The following MPPED1 variants were observed in gnomAD, a reference collection of about 807,000 sequenced individuals.
The protein encoded by MPPED1 is metallophosphoesterase domain-containing protein 1.
Under a neutral mutation model 36.2 loss-of-function variants are expected in MPPED1, and 16 were observed. The ratio of observed to expected loss-of-function variants is 0.44; its 90% CI spans 0.30 to 0.67. The LOEUF (loss-of-function observed/expected upper bound fraction) is 0.67, where lower values mean the gene tolerates loss of function less well. Ranked by LOEUF, MPPED1 falls within the 30% of genes least tolerant of loss-of-function variation. The pLI, the probability that MPPED1 is intolerant of heterozygous loss-of-function variation, is 0.10. For synonymous variants in MPPED1, 199 were observed against 191.3 expected (o/e 1.04, Z -0.33); for missense variants, 307 against 453.4 (o/e 0.68, Z 2.93).
intron 1 of MPPED1, among the ~76,000 whole-genome samples, chr22:43,412,757 G>A (rs1013528750): frequency 1.3e-5 from 2 of 152,114 alleles, no homozygotes; most frequent in African/African-American, 4.8e-5. Flanking sequence ...AGGGGATTCA[G>A]TGGCTACCTA....
At chr22:43,467,610 G>A (rs534367378) in intron 3 of MPPED1, among the ~76,000 whole-genome samples, 1 of 152,326 alleles carries the variant, frequency 6.6e-6, no homozygotes, top group Admixed American at 6.5e-5. Context: ...ATACCGAGAA[G>A]TCTGCTAATG....
At chr22:43,452,514 A>G (rs1241141189) in intron 3 of MPPED1, among the ~76,000 whole-genome samples, 1 of 152,206 alleles carries the variant, frequency 6.6e-6, no homozygotes, top group African/African-American at 2.4e-5. Flanking sequence ...TAGGGCCAAG[A>G]AAGAGAACTG....
At chr22:43,475,557 T>G in intron 4 of MPPED1, among the ~76,000 whole-genome samples, 6 of 137,140 alleles carry the variant, frequency 4.4e-5, no homozygotes, top group Non-Finnish European at 6.3e-5. Flanking sequence ...ATGGTGATGG[T>G]GGTGATGATG....
intron 5 of MPPED1, among the ~76,000 whole-genome samples, chr22:43,500,074 A>AGGT (rs1222506920): frequency 3.1e-5 from 2 of 65,030 alleles, no homozygotes; most frequent in Non-Finnish European, 6.1e-5. Context: ...ATGGTGATGG[A>AGGT]GGTGGTGGTG....
intron 3 of MPPED1, among the ~76,000 whole-genome samples, chr22:43,470,968 T>TG (rs1267739347): frequency 6.6e-6 from 1 of 152,214 alleles, no homozygotes; most frequent in Non-Finnish European, 1.5e-5. Context: ...CAGCAGGTGG[T>TG]GGCTCCTGCC....
At chr22:43,421,626 C>T (rs74341382) in intron 1 of MPPED1, among the ~76,000 whole-genome samples, 3,061 of 152,328 alleles carry the variant, frequency 0.02, 52 homozygotes, top group Middle Eastern at 0.048. Context: ...GCTCTCCTGA[C>T]ACCCACCCTC....
In MPPED1 at chr22:43,424,925, CGG is replaced by C; in HGVS notation, c.-56_-55del. The C allele has an allele frequency of 6.5e-7, 1 of 1,538,166 alleles. No homozygotes were observed. On this transcript the variant is annotated 5_prime_UTR_variant, in exon 2 of 7. Coordinates refer to ENST00000443721, the MANE Select transcript of MPPED1 (RefSeq NM_001044370.2). ...CTCCTCAGTCTGTTTCCAGGTCTGG[CGG>C]GGGGCCGGGCTGCGGTGGCGGCAGC...
rs1288585547 is a variant in MPPED1, at chr22:43,502,638, T to C, written c.749-6T>C. ...TCATGGCCTCCTGTTGTCTCCCCCA[T>C]ACCAGGCTTCCTGGACTGGGTCCCC... On this transcript the variant is annotated splice_region_variant and splice_polypyrimidine_tract_variant and intron_variant, in intron 5 of 6. Transcript: ENST00000443721. This position sits in a 1 kb window ranked among gnomAD's most constrained non-coding sequence, Gnocchi z 5.5. 1.2e-6 allele frequency: 2 copies of C among 1,611,822 alleles called. No individual in the cohort carries two copies. Among genetic ancestry groups the C allele is most frequent in the Non-Finnish European group, 1.7e-6 (2 of 1,178,718 alleles).
intron 3 of MPPED1, among the ~76,000 whole-genome samples, chr22:43,450,556 G>C (rs1440255405): frequency 6.6e-6 from 1 of 152,148 alleles, no homozygotes; most frequent in African/African-American, 2.4e-5. Context: ...ATCAAAGGGA[G>C]CTGATATTGG....
intron 4 of MPPED1, among the ~76,000 whole-genome samples, chr22:43,483,207 G>A (rs1259097439): frequency 2.6e-5 from 4 of 152,226 alleles, no homozygotes; most frequent in African/African-American, 9.7e-5. Flanking sequence ...GAGAAAAAAC[G>A]AGACAGGTTA....
intron 1 of MPPED1, among the ~76,000 whole-genome samples, chr22:43,420,298 C>G (rs908191625): frequency 6.6e-6 from 1 of 152,140 alleles, no homozygotes; most frequent in African/African-American, 2.4e-5. Context: ...GGCCACTTAT[C>G]CAGGCCGCCC....
At chr22:43,460,451 C>T (rs763012355) in intron 3 of MPPED1, among the ~76,000 whole-genome samples, 1 of 151,900 alleles carries the variant, frequency 6.6e-6, no homozygotes, top group Non-Finnish European at 1.5e-5. Context: ...CTGCCTCGGC[C>T]TCCTGAGTAG....
Position 43,497,929 on chromosome 22 carries a change from G to GTATATATATATATATATA in MPPED1, c.633-301_633-300insATATATATATATATATAT, listed in dbSNP as rs746068497. On this transcript the variant is annotated intron_variant, in intron 4 of 6. Coordinates refer to ENST00000443721, the MANE Select transcript of MPPED1 (RefSeq NM_001044370.2). ...CTTAGGAAGAAGCTGATATATATAT[G>GTATATATATATATATATA]TATATGTATATATATATATGTATTT... Among the ~76,000 whole-genome samples the GTATATATATATATATATA allele has an allele frequency of 1.8e-3, 86 of 48,734 alleles. 3 individuals carry two copies. The highest frequency in any genetic ancestry group is 4.2e-3 in the African/African-American group (67 of 15,838). The allele number at this position is 48,734 out of a possible 152,430, so 32.0% of individuals were successfully genotyped here. A position where few individuals can be genotyped will look rare whatever the true frequency, so the allele number is the denominator to read the frequency against.
At chr22:43,473,339 A>C (rs1298538558) in intron 3 of MPPED1, among the ~76,000 whole-genome samples, 1 of 152,190 alleles carries the variant, frequency 6.6e-6, no homozygotes, top group African/African-American at 2.4e-5. Context: ...GATGAAGGTC[A>C]TGGTCTTCCA....
chr22:43,441,513 GTGTT>G (rs1930148468), intron 3 of MPPED1, among the ~76,000 whole-genome samples: 1 of 152,192 alleles, frequency 6.6e-6, no homozygotes, highest in Non-Finnish European at 1.5e-5. Flanking sequence ...GTGCCCAGGG[GTGTT>G]TGTTGTAAAA....
chr22:43,427,262 G>A (rs1359970946), intron 2 of MPPED1, among the ~76,000 whole-genome samples: 2 of 152,220 alleles, frequency 1.3e-5, no homozygotes, highest in South Asian at 2.1e-4. Context: ...AGAGAGTGGG[G>A]GCTGAGGAGG....
intron 4 of MPPED1, among the ~76,000 whole-genome samples, chr22:43,479,302 C>T (rs1199496270): frequency 6.6e-6 from 1 of 152,214 alleles, no homozygotes; most frequent in Non-Finnish European, 1.5e-5. Flanking sequence ...GCTTTAGAAG[C>T]ACAGTTAGAC....
intron 3 of MPPED1, among the ~76,000 whole-genome samples, chr22:43,449,531 G>A (rs1930489482): frequency 2.0e-5 from 3 of 150,526 alleles, no homozygotes; most frequent in Admixed American, 1.4e-4. Flanking sequence ...TGGGCCCTGT[G>A]TGTGCCCTGG....
In MPPED1 at chr22:43,500,215, G is replaced by GT. The variant is rs1569091746; in HGVS notation, c.748+1865_748+1866insT. Among the ~76,000 whole-genome samples the GT allele has an allele frequency of 3.5e-4, 16 of 45,240 alleles. 2 individuals are homozygous for GT. Among genetic ancestry groups the GT allele is most frequent in the Non-Finnish European group, 4.5e-4 (11 of 24,336 alleles). 29.7% of individuals were successfully genotyped at this position (45,240 alleles called of 152,430 possible). On this transcript the variant is annotated intron_variant, in intron 5 of 6. Transcript: ENST00000443721. ...ATGGAGGTGGTAATGGAGGTGGTGGGGGTGATGGTGGAGGTGGTGATGGAG... is the reference window on the plus strand; with the variant it reads ...ATGGAGGTGGTAATGGAGGTGGTGGGTGGTGATGGTGGAGGTGGTGATGGAG...
Sources: allele counts gnomAD v4.1 joint callset (sites outside exome capture counted in the v4.1 genomes callset), GRCh38; gene constraint gnomAD v4.1.1; non-coding constraint Gnocchi (gnomAD v3.1); transcripts MANE v1.5; gene names NCBI Gene and HGNC (gene_info 2026-07-23, HGNC 2026-07-21).